Variants in TBC1D32 observed in about 807,000 individuals in gnomAD.
TBC1D32 encodes the protein TBC1 domain family member 32, also known as protein broad-minded.
In TBC1D32, 151 loss-of-function variants were observed where a neutral mutation model predicts 170.3. The ratio of observed to expected loss-of-function variants is 0.89; its 90% CI spans 0.78 to 1.01. The LOEUF (loss-of-function observed/expected upper bound fraction) is 1.01. Ranked by LOEUF, TBC1D32 falls within the 50% of genes least tolerant of loss-of-function variation. The pLI is 0.00. For synonymous variants in TBC1D32, 498 were observed against 488.0 expected (o/e 1.02, Z -0.27); for missense variants, 1,464 against 1,457.1 (o/e 1.00, Z -0.08).
chr6:121,272,833 A>G (rs1382376735), intron 15 of TBC1D32, among the ~76,000 whole-genome samples: 1 of 152,196 alleles, frequency 6.6e-6, no homozygotes. Flanking sequence ...AGTACTATTC[A>G]CAATAGCAAA....
chr6:121,274,359 C>CAA (rs61410938), intron 15 of TBC1D32, among the ~76,000 whole-genome samples: 2 of 141,778 alleles, frequency 1.4e-5, no homozygotes, highest in African/African-American at 2.6e-5. Context: ...CAAACAACAA[C>CAA]AAAAAAAAAA....
intron 20 of TBC1D32, among the ~76,000 whole-genome samples, chr6:121,232,229 G>T (rs143913956): frequency 6.6e-6 from 1 of 151,928 alleles, no homozygotes; most frequent in Non-Finnish European, 1.5e-5. Flanking sequence ...AGATCAGTTG[G>T]CTGTATTTGG....
At chr6:121,181,019 C>T (rs1788437085) in intron 22 of TBC1D32, among the ~76,000 whole-genome samples, 2 of 151,954 alleles carry the variant, frequency 1.3e-5, no homozygotes. Flanking sequence ...CAGGGAAATG[C>T]AAATCAAAAC....
intron 21 of TBC1D32, among the ~76,000 whole-genome samples, chr6:121,221,486 T>A (rs572687274): frequency 6.6e-6 from 1 of 152,356 alleles, no homozygotes; most frequent in South Asian, 2.1e-4. Flanking sequence ...CTCTGACAGA[T>A]CTGGGCAAAG....
At chr6:121,230,532 A>C (rs1451919500) in intron 20 of TBC1D32, among the ~76,000 whole-genome samples, 1 of 152,094 alleles carries the variant, frequency 6.6e-6, no homozygotes, top group Non-Finnish European at 1.5e-5. Flanking sequence ...ATGTTAAGCC[A>C]CCTGTAATTA....
intron 30 of TBC1D32, among the ~76,000 whole-genome samples, chr6:121,102,877 TCAAA>T (rs1452362767): frequency 1.3e-5 from 2 of 152,112 alleles, no homozygotes; most frequent in East Asian, 1.9e-4. Flanking sequence ...TACAAAGAAC[TCAAA>T]CAAACTTACA....
chr6:121,276,980 T>C (rs1240895692), intron 15 of TBC1D32, among the ~76,000 whole-genome samples: 1 of 152,170 alleles, frequency 6.6e-6, no homozygotes, highest in African/African-American at 2.4e-5. Flanking sequence ...AACATACCTC[T>C]ATCAGTAATT....
chr6:121,291,717 A>G (rs1294972375), intron 12 of TBC1D32, among the ~76,000 whole-genome samples: 4 of 152,190 alleles, frequency 2.6e-5, no homozygotes, highest in Non-Finnish European at 5.9e-5. Context: ...TTACAGATAA[A>G]GAAATGGAAA....
chr6:121,246,171 G>T (rs540901283), intron 17 of TBC1D32, among the ~76,000 whole-genome samples: 1 of 152,230 alleles, frequency 6.6e-6, no homozygotes, highest in South Asian at 2.1e-4. Flanking sequence ...AGCCTCAGGA[G>T]ATCCCTGCCA....
At chr6:121,168,848 C>T (rs1049401817) in intron 22 of TBC1D32, among the ~76,000 whole-genome samples, 2 of 151,330 alleles carry the variant, frequency 1.3e-5, no homozygotes, top group African/African-American at 4.8e-5. Context: ...ATACCTAGAA[C>T]TACAGCTAAC....
intron 1 of TBC1D32, among the ~76,000 whole-genome samples, chr6:121,333,559 T>C (rs1811473173): frequency 1.3e-5 from 2 of 152,156 alleles, no homozygotes; most frequent in African/African-American, 4.8e-5. Context: ...AGTGAGTAAT[T>C]CGTGCGGCCA....
At chr6:121,157,898 T>C (rs1164285150) in intron 24 of TBC1D32, among the ~76,000 whole-genome samples, 1 of 152,172 alleles carries the variant, frequency 6.6e-6, no homozygotes, top group Non-Finnish European at 1.5e-5. Flanking sequence ...GTTCCCTTTG[T>C]AGGTGACCCA....
intron 29 of TBC1D32, among the ~76,000 whole-genome samples, chr6:121,108,673 AAC>A (rs764569594): frequency 6.6e-6 from 1 of 152,104 alleles, no homozygotes; most frequent in African/African-American, 2.4e-5. Flanking sequence ...AAAAAAACAT[AAC>A]AGTCTTAGTT....
At chr6:121,214,594 A>C (rs1359174964) in intron 21 of TBC1D32, among the ~76,000 whole-genome samples, 1 of 152,174 alleles carries the variant, frequency 6.6e-6, no homozygotes, top group Non-Finnish European at 1.5e-5. Context: ...CAGGGAACAC[A>C]GCAGGGCCCA....
intron 29 of TBC1D32, among the ~76,000 whole-genome samples, chr6:121,109,293 C>G (rs971185182): frequency 5.3e-5 from 8 of 152,112 alleles, no homozygotes; most frequent in Non-Finnish European, 1.0e-4. Flanking sequence ...GTAGTGATTA[C>G]CCTACATTAT....
chr6:121,176,708 C>T (rs1326689275), intron 22 of TBC1D32, among the ~76,000 whole-genome samples: 4 of 152,088 alleles, frequency 2.6e-5, no homozygotes, highest in Non-Finnish European at 4.4e-5. Flanking sequence ...AAGCAATTCT[C>T]CTGCCTCAGC....
intron 22 of TBC1D32, among the ~76,000 whole-genome samples, chr6:121,175,553 G>A (rs1019980078): frequency 2.0e-5 from 3 of 152,182 alleles, no homozygotes; most frequent in African/African-American, 7.2e-5. Context: ...ATCTCCTGAT[G>A]TAATTTATGA....
At chr6:121,104,953 T>C (rs576974481) in intron 30 of TBC1D32, among the ~76,000 whole-genome samples, 1 of 151,976 alleles carries the variant, frequency 6.6e-6, no homozygotes, top group South Asian at 2.1e-4. Context: ...AAATAGTTAA[T>C]TAACTTTTTA....
intron 2 of TBC1D32, among the ~76,000 whole-genome samples, chr6:121,319,356 A>G (rs995063556): frequency 1.3e-5 from 2 of 152,148 alleles, no homozygotes; most frequent in African/African-American, 4.8e-5. Flanking sequence ...CTGAGCCCAG[A>G]GGCCCAGCTT....
Sources: gnomAD v4.1 joint callset for allele counts (sites outside exome capture counted in the v4.1 genomes callset) on GRCh38, gnomAD v4.1.1 for gene constraint, MANE v1.5 for transcripts, NCBI Gene and HGNC (gene_info 2026-07-23, HGNC 2026-07-21) for gene names.